CA12: variants seen among roughly 807,000 people sequenced by gnomAD.
The protein encoded by CA12 is carbonate dehydratase XII.
Under a neutral mutation model 46.8 loss-of-function variants are expected in CA12, and 36 were observed. The observed-to-expected ratio is 0.77, with a 90% CI of 0.59 to 1.02. The LOEUF is 1.02. CA12 is among the 50% of genes least tolerant of loss of function. The pLI is 0.00. For missense variants in CA12, 436 were observed against 451.4 expected, an observed-to-expected ratio of 0.97 and a Z score of 0.31; for synonymous variants, 202 against 187.0, an observed-to-expected ratio of 1.08 and a Z score of -0.65.
At chr15:63,360,312 G>C (rs1472577473) in intron 2 of CA12, among the ~76,000 whole-genome samples, 1 of 152,194 alleles carries the variant, frequency 6.6e-6, no homozygotes, top group African/African-American at 2.4e-5. Context: ...AAAGGGGGCG[G>C]CTAGCAAACC....
rs1427576990 is a variant in CA12 at position 63,326,159 on chromosome 15, AG to A, written c.*125del. On this transcript the variant is annotated 3_prime_UTR_variant, in exon 11 of 11. Transcript: ENST00000178638. ...GGAGGCACCCAGCAGAGGATCCCTG[AG>A]GCCTGGCATGTTTGCAGATTGAGCT... 1 of 778,372 alleles carries A rather than the reference AG, an allele frequency of 1.3e-6. No homozygotes were observed. The highest frequency in any genetic ancestry group is 2.3e-6 in the Non-Finnish European group (1 of 443,420). 48.2% of individuals were successfully genotyped at this position (778,372 alleles called of 1,614,324 possible).
rs543054470 is a variant in CA12 at position 63,340,679 on chromosome 15, T to C, written c.589+41A>G. The C allele has an allele frequency of 6.3e-7, 1 of 1,594,110 alleles. No homozygotes were observed. The highest frequency in any genetic ancestry group is 1.3e-5 in the African/African-American group (1 of 74,654). On this transcript the variant is annotated intron_variant, in intron 6 of 10. Coordinates refer to ENST00000178638, the MANE Select transcript of CA12 (RefSeq NM_001218.5). The surrounding 1 kb of genome is among the most constrained non-coding windows in gnomAD (Gnocchi z 4.4). Reference sequence around the variant, plus strand: ...AAGTCACACAGGGCTGACTACCTCCTTCTCCAGCAGAGAGTGAATATGCAT... The same window carrying C: ...AAGTCACACAGGGCTGACTACCTCCCTCTCCAGCAGAGAGTGAATATGCAT...
intron 1 of CA12, among the ~76,000 whole-genome samples, chr15:63,380,949 CA>C (rs1398589381): frequency 2.0e-5 from 3 of 152,280 alleles, no homozygotes; most frequent in African/African-American, 7.2e-5. Flanking sequence ...ACGGAGCCTC[CA>C]TTCAGTCCCT....
At chr15:63,368,420 A>G (rs7180596) in intron 2 of CA12, among the ~76,000 whole-genome samples, 146,807 of 152,274 alleles carry the variant, frequency 0.96, 70,945 homozygotes, top group Non-Finnish European at 1. Context: ...TGCTCCTTCT[A>G]AGACTGCAGG....
Position 63,321,738 on chromosome 15 carries a change from G to T in CA12, c.*4547C>A, listed in dbSNP as rs1053012982. The T allele has an allele frequency of 2.0e-5, 3 of 152,266 alleles. No individual in the cohort carries two copies. The highest frequency in any genetic ancestry group is 4.4e-5 in the Non-Finnish European group (3 of 68,082). The allele number at this position is 152,266 out of a possible 1,614,324, so 9.4% of individuals were successfully genotyped here. On this transcript the variant is annotated 3_prime_UTR_variant, in exon 11 of 11. Transcript: ENST00000178638. This position sits in a 1 kb window ranked among gnomAD's most constrained non-coding sequence, Gnocchi z 4.5. ...ACTCCTGTGTGTGTAGGGGCGAGGGGGTGGCGGTGCCAGGGTCCTGCAGTT... is the reference window on the plus strand; with the variant it reads ...ACTCCTGTGTGTGTAGGGGCGAGGGTGTGGCGGTGCCAGGGTCCTGCAGTT...
chr15:63,375,709 C>A (rs1435903672), intron 1 of CA12, 31 bp from the exon 2 acceptor site: 3 of 1,553,384 alleles, frequency 1.9e-6, no homozygotes, highest in African/African-American at 2.7e-5. Flanking sequence ...TAAGTAAGTA[C>A]AATGGAACCA....
At chr15:63,347,315 G>A (rs918570679) in intron 2 of CA12, among the ~76,000 whole-genome samples, 2 of 152,194 alleles carry the variant, frequency 1.3e-5, no homozygotes, top group African/African-American at 4.8e-5. Flanking sequence ...GGCTTTGCAA[G>A]TATGACCTTC....
chr15:63,345,740 G>T lies in CA12; in HGVS notation c.287-121C>A. 1 of 1,295,556 alleles carries T rather than the reference G, an allele frequency of 7.7e-7. No homozygotes were observed. Among genetic ancestry groups the T allele is most frequent in the Non-Finnish European group, 1.1e-6 (1 of 928,662 alleles). 80.3% of individuals were successfully genotyped at this position (1,295,556 alleles called of 1,614,324 possible). A position where few individuals can be genotyped will look rare whatever the true frequency, so the allele number is the denominator to read the frequency against. ...ACCCCCTGGAGCCCAGAGAGAGGCAGGTGGATGGAGTGAGGTGCGGAGCAG... is the reference window on the plus strand; with the variant it reads ...ACCCCCTGGAGCCCAGAGAGAGGCATGTGGATGGAGTGAGGTGCGGAGCAG... On this transcript the variant is annotated intron_variant, in intron 3 of 10. Transcript: ENST00000178638. The surrounding 1 kb of genome is among the most constrained non-coding windows in gnomAD (Gnocchi z 4.3).
Position 63,348,469 on chromosome 15 carries a change from C to T in CA12, c.107-1760G>A, listed in dbSNP as rs767172684. Among the ~76,000 whole-genome samples, 11 of 152,150 alleles carry T rather than the reference C, an allele frequency of 7.2e-5. No individual in the cohort carries two copies. The highest frequency in any genetic ancestry group is 3.9e-4 in the Admixed American group (6 of 15,280). ...GCAGAATGAAGCAACCGTGAGGCCT[C>T]ATGTAGAACCCCAGGGTCAGGAAGA... On this transcript the variant is annotated intron_variant, in intron 2 of 10. Coordinates refer to ENST00000178638, the MANE Select transcript of CA12 (RefSeq NM_001218.5). The surrounding 1 kb of genome is among the most constrained non-coding windows in gnomAD (Gnocchi z 4.6).
intron 4 of CA12, among the ~76,000 whole-genome samples, chr15:63,343,554 T>G (rs1442657134): frequency 6.6e-6 from 1 of 152,094 alleles, no homozygotes; most frequent in African/African-American, 2.4e-5. Context: ...GTGCTGGGAT[T>G]ATAGGTGTGA....
intron 2 of CA12, among the ~76,000 whole-genome samples, chr15:63,358,736 C>A (rs2039322927): frequency 6.6e-6 from 1 of 152,106 alleles, no homozygotes; most frequent in Non-Finnish European, 1.5e-5. Context: ...AGGCGAGTAC[C>A]CCTTTTTGCC....
chr15:63,338,299 G>C (rs992399227), intron 8 of CA12, among the ~76,000 whole-genome samples: 1 of 152,188 alleles, frequency 6.6e-6, no homozygotes, highest in Non-Finnish European at 1.5e-5. Flanking sequence ...TGCCTAACAG[G>C]CCCTGCTACA....
rs2038905552 is a variant in CA12 at position 63,329,197 on chromosome 15, T to C, written c.875-1067A>G. On this transcript the variant is annotated intron_variant, in intron 8 of 10. Coordinates refer to ENST00000178638, the MANE Select transcript of CA12 (RefSeq NM_001218.5). The surrounding 1 kb of genome is among the most constrained non-coding windows in gnomAD (Gnocchi z 4.8). The stretch of plus-strand genomic sequence containing the variant: ...GGTTCTATTTTTGCTTTGTCCCTCC[T>C]GGACAAACGCCTTCACCACATCAGC... Among the ~76,000 whole-genome samples the C allele has an allele frequency of 2.0e-5, 3 of 152,212 alleles. No individual in the cohort carries two copies. The highest frequency in any genetic ancestry group is 4.4e-5 in the Non-Finnish European group (3 of 68,022).
Position 63,326,255 on chromosome 15 carries a change from T to C in CA12, c.*30A>G. ...TGTGTAGGGTCCAAAGCAAGGTCCT[T>C]CCTGGATGTGCCCGGGAGCTCCGGG... On this transcript the variant is annotated 3_prime_UTR_variant, in exon 11 of 11. Transcript: ENST00000178638. 1.3e-6 allele frequency: 2 copies of C among 1,594,760 alleles called. No homozygotes were observed. The highest frequency in any genetic ancestry group is 1.7e-6 in the Non-Finnish European group (2 of 1,162,472).
In CA12 at chr15:63,331,138, T is replaced by C. The variant is rs1394948089; in HGVS notation, c.875-3008A>G. 6.6e-6 allele frequency among the ~76,000 whole-genome samples: 1 copy of C among 152,210 alleles called. No individual in the cohort carries two copies. The highest frequency in any genetic ancestry group is 2.4e-5 in the African/African-American group (1 of 41,452). ...CCAACCATCATGGAGGCTCAGCTTCTTTGCAGAAATGGGCTTGAGTCCCAT... is the reference window on the plus strand; with the variant it reads ...CCAACCATCATGGAGGCTCAGCTTCCTTGCAGAAATGGGCTTGAGTCCCAT... On this transcript the variant is annotated intron_variant, in intron 8 of 10. Coordinates refer to ENST00000178638, the MANE Select transcript of CA12 (RefSeq NM_001218.5). The surrounding 1 kb of genome is among the most constrained non-coding windows in gnomAD (Gnocchi z 5.3).
chr15:63,371,748 G>C (rs1036216846), intron 2 of CA12, among the ~76,000 whole-genome samples: 1 of 152,162 alleles, frequency 6.6e-6, no homozygotes, highest in Non-Finnish European at 1.5e-5. Context: ...GAAACACCAC[G>C]CCCATTCTCA....
intron 2 of CA12, among the ~76,000 whole-genome samples, chr15:63,353,068 AC>A (rs1382231974): frequency 2.0e-5 from 3 of 152,186 alleles, no homozygotes; most frequent in African/African-American, 7.2e-5. Flanking sequence ...GCAATGGAGA[AC>A]AAAACAGCTC....
rs1355340353 is a variant in CA12 at position 63,341,198 on chromosome 15, A to G, written c.526-415T>C. 6.6e-6 allele frequency among the ~76,000 whole-genome samples: 1 copy of G among 152,208 alleles called. No homozygotes were observed. Among genetic ancestry groups the G allele is most frequent in the Non-Finnish European group, 1.5e-5 (1 of 68,048 alleles). ...ATTAGGAAAAAAAAACATGCAAGCCAATCAGAAGACATTCCTCTATCTTGG... is the reference window on the plus strand; with the variant it reads ...ATTAGGAAAAAAAAACATGCAAGCCGATCAGAAGACATTCCTCTATCTTGG... On this transcript the variant is annotated intron_variant, in intron 5 of 10. Transcript: ENST00000178638. The surrounding 1 kb of genome is among the most constrained non-coding windows in gnomAD (Gnocchi z 5.2).
chr15:63,335,747 A>C (rs1412713287), intron 8 of CA12, among the ~76,000 whole-genome samples: 1 of 152,136 alleles, frequency 6.6e-6, no homozygotes, highest in Non-Finnish European at 1.5e-5. Flanking sequence ...AACATGCCTC[A>C]GTGGATGAGG....
Sources: gnomAD v4.1 joint callset for allele counts (sites outside exome capture counted in the v4.1 genomes callset) on GRCh38, gnomAD v4.1.1 for gene constraint, Gnocchi (gnomAD v3.1) non-coding constraint, MANE v1.5 for transcripts, NCBI Gene and HGNC (gene_info 2026-07-23, HGNC 2026-07-21) for gene names.